The following TSC2 variants were observed in gnomAD, a reference collection of about 807,000 sequenced individuals.
TSC2 encodes tuberin.
Under a neutral mutation model 202.2 loss-of-function variants are expected in TSC2, and 29 were observed. The observed-to-expected ratio is 0.14, with a 90% CI of 0.11 to 0.20. The LOEUF (loss-of-function observed/expected upper bound fraction) is 0.20, where lower values mean the gene tolerates loss of function less well. Among genes scored for constraint, TSC2 ranks in the 10% least tolerant of loss-of-function variants. The probability of loss-of-function intolerance (pLI) is 1.00; values close to 1 mark genes in which losing one functional copy is unlikely to be tolerated. For synonymous variants in TSC2, 1,349 were observed against 1,044.0 expected (o/e 1.29, Z -5.63); for missense variants, 2,429 against 2,420.0 (o/e 1.00, Z -0.08).
chr16:2,087,833 C>CG, intron 38 of TSC2, 30 bp from the exon 39 acceptor site: 2 of 1,610,390 alleles, frequency 1.2e-6, no homozygotes, highest in Non-Finnish European at 8.5e-7. Flanking sequence ...ACGCTGTGTG[C>CG]GGGGATGACC....
chr16:2,086,141 G>A (rs2151567279), intron 36 of TSC2, 52 bp from the exon 37 acceptor site: 1 of 1,606,570 alleles, frequency 6.2e-7, no homozygotes, highest in Non-Finnish European at 8.5e-7. Context: ...CCTCTGCGGG[G>A]CAGGGCCCGG....
In TSC2 at chr16:2,079,019, C is replaced by T. The variant is rs536150612; in HGVS notation, c.2967-13C>T. On this transcript the variant is annotated splice_polypyrimidine_tract_variant and intron_variant, in intron 26 of 41. Coordinates refer to ENST00000219476, the MANE Select transcript of TSC2 (RefSeq NM_000548.5). This position sits in a 1 kb window ranked among gnomAD's most constrained non-coding sequence, Gnocchi z 4.6. ...CCTGGCACCCTGACCCTGGTCACGG[C>T]CTCTCCCTCCAGCAGGATACAGACG... 91 of 1,612,282 alleles carry T rather than the reference C, an allele frequency of 5.6e-5. No individual in the cohort carries two copies. The South Asian group carries it at 8.3e-4, about 15-fold the overall frequency.
intron 7 of TSC2, 29 bp downstream of exon 7, chr16:2,056,273 C>T (rs1249111264): frequency 8.1e-6 from 13 of 1,613,644 alleles, no homozygotes; most frequent in Non-Finnish European, 1.1e-5. Context: ...CAGGGCCGGC[C>T]CATTTCACCC....
intron 5 of TSC2, chr16:2,055,076 C>T (rs922925297): frequency 9.6e-5 from 41 of 428,796 alleles, no homozygotes; most frequent in African/African-American, 7.3e-4. Context: ...GGGTGGGGAA[C>T]GCCCAGGAGT....
At chr16:2,080,646 G>C (rs1031344671) in intron 30 of TSC2, 239 of 467,548 alleles carry the variant, frequency 5.1e-4, no homozygotes, top group Non-Finnish European at 8.0e-4. Context: ...ACCACGCCTG[G>C]CCAATTTTTT....
rs1284558087 is a variant in TSC2, at chr16:2,065,328, G to A, written c.1600-191G>A. On this transcript the variant is annotated intron_variant, in intron 15 of 41. Transcript: ENST00000219476. ...CTGGGGAGGCTGAGGCAGGAGAATG[G>A]CGTGAACCTGGGAGGCGGAGCTTGT... 8.2e-5 allele frequency: 50 copies of A among 608,102 alleles called. No homozygotes were observed. In the Admixed American group the frequency reaches 1.2e-3, roughly 15 times the overall value. The allele number at this position is 608,102 out of a possible 1,614,324, so 37.7% of individuals were successfully genotyped here. A position where few individuals can be genotyped will look rare whatever the true frequency, so the allele number is the denominator to read the frequency against.
At position 2,071,900 on chromosome 16, in the gene TSC2, T is replaced by C. The variant is rs2151307798; in HGVS notation, c.2063T>C (p.Leu688Pro). 1 of 1,596,158 alleles carries C rather than the reference T, an allele frequency of 6.3e-7. No homozygotes were observed. Among genetic ancestry groups the C allele is most frequent in the East Asian group, 2.3e-5 (1 of 44,070 alleles). Residue 688 changes from leucine to proline, a missense_variant, in exon 19 of 42, where the codon CTG becomes CCG. By Grantham distance (98) the Leu-to-Pro change is moderately conservative. Transcript: ENST00000219476. ...CGGCTGGGGTCCGTGCCCTACTCCCTGCTCTTCCGCGTCCTGCTGCAGTGC... is the reference window on the plus strand; with the variant it reads ...CGGCTGGGGTCCGTGCCCTACTCCCCGCTCTTCCGCGTCCTGCTGCAGTGC... ...AVRLGSVPYS[L>P]LFRVLLQCLK...
chr16:2,060,236 G>A (rs1397783629), intron 10 of TSC2, among the ~76,000 whole-genome samples: 1 of 152,170 alleles, frequency 6.6e-6, no homozygotes, highest in Non-Finnish European at 1.5e-5. Flanking sequence ...CGATCACGTC[G>A]TCCTGGTTTT....
chr16:2,084,365 C>G lies in TSC2; in HGVS notation c.4143C>G (p.Pro1381=). 1 of 1,612,666 alleles carries G rather than the reference C, an allele frequency of 6.2e-7. No homozygotes were observed. Among genetic ancestry groups the G allele is most frequent in the Non-Finnish European group, 8.5e-7 (1 of 1,179,980 alleles). Residue 1381 remains proline, a synonymous_variant, in exon 34 of 42, where the codon CCC becomes CCG. Coordinates refer to ENST00000219476, the MANE Select transcript of TSC2 (RefSeq NM_000548.5). ...SVDLSFQPSQ[P]LSKSSSSPEL... is the part of the protein sequence containing the mutation. ...ACCTCTCCTTCCAGCCCTCGCAGCCCCTGAGCAAGTCCAGCTCCTCTCCCG... is the reference window on the plus strand; with the variant it reads ...ACCTCTCCTTCCAGCCCTCGCAGCCGCTGAGCAAGTCCAGCTCCTCTCCCG...
chr16:2,065,466 C>CT lies in TSC2; in HGVS notation c.1600-52dup, dbSNP rs2087211049. ...TTTGTGGTAGAAAGTGTTCTCACGG[C>CT]TGCTGACTCAGAACCATGAGCCTGT... is the stretch of plus-strand genomic sequence containing the variant. On this transcript the variant is annotated intron_variant, in intron 15 of 41. Transcript: ENST00000219476. 8 of 1,278,288 alleles carry CT rather than the reference C, an allele frequency of 6.3e-6. No individual in the cohort carries two copies. In the South Asian group the frequency reaches 9.5e-5, roughly 15 times the overall value. 79.2% of individuals were successfully genotyped at this position (1,278,288 alleles called of 1,614,324 possible).
intron 2 of TSC2, among the ~76,000 whole-genome samples, chr16:2,049,623 G>C (rs1056708948): frequency 6.6e-6 from 1 of 151,696 alleles, no homozygotes; most frequent in Admixed American, 6.6e-5. Context: ...TCAGGAGTTT[G>C]AGACCAGCCT....
At position 2,079,342 on chromosome 16, in the gene TSC2, T is replaced by G. The variant is rs1315678797; in HGVS notation, c.3198T>G (p.Leu1066=). 2 of 1,612,926 alleles carry G rather than the reference T, an allele frequency of 1.2e-6. No homozygotes were observed. Among genetic ancestry groups the G allele is most frequent in the South Asian group, 2.2e-5 (2 of 91,084 alleles). ...AAACCTGGCTGGTTGGGAACAAGCTTGTCACTGTGACGACAAGCGTGGGAA... is the reference window on the plus strand; with the variant it reads ...AAACCTGGCTGGTTGGGAACAAGCTGGTCACTGTGACGACAAGCGTGGGAA... The part of the protein sequence containing the change: ...RTKTWLVGNK[L]VTVTTSVGTG... Residue 1066 remains leucine, a synonymous_variant, in exon 28 of 42, where the codon CTT becomes CTG. Transcript: ENST00000219476. The surrounding 1 kb of genome is among the most constrained non-coding windows in gnomAD (Gnocchi z 4.6).
chr16:2,072,921 G>T lies in TSC2; in HGVS notation c.2293G>T (p.Ala765Ser). ...EGFSRTDLHLAVVPVLTALIS... is the reference protein window; with the variant it reads ...EGFSRTDLHLSVVPVLTALIS... ...CTTCTCCAGAACTGACTTGCACCTG[G>T]CCGTGGTTCCAGTGCTGACAGCATT... Residue 765 changes from alanine to serine, a missense_variant, in exon 21 of 42, where the codon GCC becomes TCC. Physicochemically the swap from Ala to Ser is moderately conservative, Grantham distance 99. Coordinates refer to ENST00000219476, the MANE Select transcript of TSC2 (RefSeq NM_000548.5). 6.2e-7 allele frequency: 1 copy of T among 1,613,648 alleles called. No homozygotes were observed. The highest frequency in any genetic ancestry group is 8.5e-7 in the Non-Finnish European group (1 of 1,180,038).
At chr16:2,060,188 G>A (rs1197247405) in intron 10 of TSC2, among the ~76,000 whole-genome samples, 5 of 152,328 alleles carry the variant, frequency 3.3e-5, no homozygotes, top group Non-Finnish European at 5.9e-5. Flanking sequence ...TTTTGTGTCC[G>A]TCCTCGTTCT....
At position 2,076,572 on chromosome 16, in the gene TSC2, G is replaced by C. The variant is rs45517270; in HGVS notation, c.2824G>C (p.Glu942Gln). 6.2e-7 allele frequency: 1 copy of C among 1,613,324 alleles called. No individual in the cohort carries two copies. ...SFRARSTSLNERPKSLRIARP... is the reference protein window; with the variant it reads ...SFRARSTSLNQRPKSLRIARP... ...CAGGGCCCGGAGTACTAGTCTCAAC[G>C]AGAGACCCAAGAGGTACGGCCTGCG... The change falls in exon 25 of 42, where the codon GAG becomes CAG. Residue 942 changes from glutamate to glutamine, a missense_variant. By Grantham distance (29) the Glu-to-Gln change is conservative. Transcript: ENST00000219476.
Position 2,065,572 on chromosome 16 carries a change from C to T in TSC2, c.1653C>T (p.Ala551=), listed in dbSNP as rs202171361. The T allele has an allele frequency of 1.7e-5, 27 of 1,613,876 alleles. No individual in the cohort carries two copies. Among genetic ancestry groups the T allele is most frequent in the East Asian group, 2.2e-5 (1 of 44,884 alleles). ...PPPELEERDV[A]AYSASLEDVK... is the part of the protein sequence containing the mutation. ...CGGAGCTGGAAGAAAGGGATGTGGCCGCATACTCGGCCTCCTTGGAGGATG... is the reference window on the plus strand; with the variant it reads ...CGGAGCTGGAAGAAAGGGATGTGGCTGCATACTCGGCCTCCTTGGAGGATG... The change falls in exon 16 of 42, where the codon GCC becomes GCT. Residue 551 remains alanine, a synonymous_variant. Coordinates refer to ENST00000219476, the MANE Select transcript of TSC2 (RefSeq NM_000548.5).
Position 2,081,419 on chromosome 16 carries a change from C to T in TSC2, c.3611-176C>T, listed in dbSNP as rs933182350. The T allele has an allele frequency of 3.7e-5, 30 of 801,170 alleles. 1 individual carries two copies. Among genetic ancestry groups the T allele is most frequent in the South Asian group, 1.5e-4 (10 of 66,474 alleles). 49.6% of individuals were successfully genotyped at this position (801,170 alleles called of 1,614,324 possible). On this transcript the variant is annotated intron_variant, in intron 30 of 41. Transcript: ENST00000219476. ...GCCTGGCCTCGAGGCAGGGGCTGAG[C>T]GGGGCAGCAGGGTGGGTGGCCGTCA... is the stretch of plus-strand genomic sequence containing the variant.
chr16:2,060,351 A>G (rs890159327), intron 10 of TSC2, among the ~76,000 whole-genome samples: 3 of 152,122 alleles, frequency 2.0e-5, no homozygotes, highest in African/African-American at 7.2e-5. Context: ...CTTTGTGCAC[A>G]GCTTGCAGCC....
intron 22 of TSC2, 50 bp from the exon 23 acceptor site, chr16:2,075,749 G>A (rs2089239029): frequency 2.5e-6 from 4 of 1,593,158 alleles, no homozygotes; most frequent in Non-Finnish European, 2.6e-6. Flanking sequence ...GGCCTTCAGA[G>A]GCGCTGCACG....
Sources: allele counts gnomAD v4.1 joint callset (sites outside exome capture counted in the v4.1 genomes callset), GRCh38; gene constraint gnomAD v4.1.1; non-coding constraint Gnocchi (gnomAD v3.1); transcripts MANE v1.5; gene names NCBI Gene and HGNC (gene_info 2026-07-23, HGNC 2026-07-21).